The following RANBP2 variants were observed in gnomAD, a reference collection of about 807,000 sequenced individuals.
RANBP2 encodes the protein RAN binding protein 2.
RANBP2 carries 57 observed loss-of-function variants against 303.6 expected under a neutral mutation model. That is an observed-to-expected ratio of 0.19 (90% CI 0.15 to 0.23). RANBP2 has a LOEUF of 0.23. Ranked by LOEUF, RANBP2 falls within the 10% of genes least tolerant of loss-of-function variation. The pLI, the probability that RANBP2 is intolerant of heterozygous loss-of-function variation, is 1.00. For missense variants in RANBP2, 3,138 were observed against 3,780.8 expected (o/e 0.83, Z 4.46); for synonymous variants, 1,167 against 1,301.5 (o/e 0.90, Z 2.23).
chr2:109,085,437 G>A, the RANBP2 span, among the ~76,000 whole-genome samples: 1 of 151,936 alleles, frequency 6.6e-6, no homozygotes, highest in Non-Finnish European at 1.5e-5. Flanking sequence ...CCAAGTAGCT[G>A]GGCCTACACG....
chr2:109,470,017 T>A, the RANBP2 span, among the ~76,000 whole-genome samples: 6,589 of 152,252 alleles, frequency 0.043, 470 homozygotes, highest in African/African-American at 0.15. Context: ...TTAGTGTTGA[T>A]CATTTCACTC....
At position 108,775,808 on chromosome 2, in the gene RANBP2, T is replaced by A. The variant is rs142150663; in HGVS notation, c.8369T>A (p.Phe2790Tyr). The part of the protein sequence containing the change: ...TGGTEVMVPS[F>Y]CKSEEPDSIT... ...GGGACTGAAGTGATGGTACCTTCTT[T>A]CTGTAAATCTGAAGAACCTGATTCT... is the stretch of plus-strand genomic sequence containing the variant. Residue 2790 changes from phenylalanine to tyrosine, a missense_variant, in exon 24 of 29, where the codon TTC becomes TAC. By Grantham distance (22) the Phe-to-Tyr change is conservative. Transcript: ENST00000283195. The A allele has an allele frequency of 2.2e-5, 35 of 1,613,780 alleles. No individual in the cohort carries two copies. The highest frequency in any genetic ancestry group is 3.0e-5 in the Non-Finnish European group (35 of 1,179,948).
the RANBP2 span, among the ~76,000 whole-genome samples, chr2:109,689,469 A>T: frequency 6.6e-6 from 1 of 152,152 alleles, no homozygotes; most frequent in South Asian, 2.1e-4. Context: ...TGTACATTTA[A>T]ACTGGGCAGC....
the RANBP2 span, among the ~76,000 whole-genome samples, chr2:109,481,449 G>A: frequency 6.6e-6 from 1 of 152,228 alleles, no homozygotes; most frequent in South Asian, 2.1e-4. Context: ...CTTCTGGTAT[G>A]TTCTCGGTGA....
chr2:109,281,764 C>G, the RANBP2 span, among the ~76,000 whole-genome samples: 4 of 152,130 alleles, frequency 2.6e-5, no homozygotes, highest in South Asian at 6.2e-4. Context: ...AGAGCAAGAG[C>G]AAGCCTGCAC....
intron 1 of RANBP2, among the ~76,000 whole-genome samples, chr2:108,721,727 G>C (rs904328731): frequency 2.0e-5 from 3 of 151,948 alleles, no homozygotes; most frequent in Non-Finnish European, 2.9e-5. Context: ...GATTATAGGC[G>C]TGAGCCACTG....
chr2:108,960,752 T>A, the RANBP2 span, among the ~76,000 whole-genome samples: 1 of 152,368 alleles, frequency 6.6e-6, no homozygotes, highest in African/African-American at 2.4e-5. Context: ...CCTTTTACTA[T>A]GTATAGATAT....
At chr2:109,565,664 AT>A in the RANBP2 span, 1 of 1,050,960 alleles carries the variant, frequency 9.5e-7, no homozygotes, top group Non-Finnish European at 1.5e-6. Context: ...CTGACAACCA[AT>A]CACATCCAAA....
chr2:109,638,653 A>T, the RANBP2 span, among the ~76,000 whole-genome samples: 1 of 152,206 alleles, frequency 6.6e-6, no homozygotes, highest in South Asian at 2.1e-4. Flanking sequence ...ATTTCCAAAG[A>T]GTAGGTTTGC....
At position 108,766,332 on chromosome 2, in the gene RANBP2, G is replaced by C. The variant is rs770939929; in HGVS notation, c.5793G>C (p.Lys1931Asn). ...GFQAQDISGQ[K>N]NGRGVIFGQT... ...AGGCTCAGGATATTAGTGGCCAGAA[G>C]AATGGCCGTGGTGTGATTTTTGGCC... Residue 1931 changes from lysine (K) to asparagine (N), a missense_variant, in exon 20 of 29, where the codon AAG becomes AAC. By Grantham distance (94) the Lys-to-Asn change is moderately conservative. Around this residue, in one of 20 missense-constraint regions of RANBP2, gnomAD observed 348 missense variants for 360.4 expected, o/e 0.97. Coordinates refer to ENST00000283195, the MANE Select transcript of RANBP2 (RefSeq NM_006267.5). 6.2e-7 allele frequency: 1 copy of C among 1,611,992 alleles called. No homozygotes were observed. The highest frequency in any genetic ancestry group is 2.2e-5 in the East Asian group (1 of 44,884).
the RANBP2 span, among the ~76,000 whole-genome samples, chr2:108,827,232 A>G: frequency 6.6e-6 from 1 of 152,298 alleles, no homozygotes; most frequent in Admixed American, 6.5e-5. Context: ...AACCAACCAA[A>G]AAATTATTAG....
At chr2:109,224,436 T>C in the RANBP2 span, among the ~76,000 whole-genome samples, 47 of 152,312 alleles carry the variant, frequency 3.1e-4, no homozygotes, top group Non-Finnish European at 5.9e-4. Flanking sequence ...GAAGCAGTTT[T>C]TGAGGTCATG....
At chr2:109,172,829 C>T in the RANBP2 span, among the ~76,000 whole-genome samples, 1 of 152,244 alleles carries the variant, frequency 6.6e-6, no homozygotes, top group Admixed American at 6.5e-5. Flanking sequence ...GAAGCCTCGA[C>T]TGGTGAGTAT....
At chr2:109,375,815 A>G in the RANBP2 span, among the ~76,000 whole-genome samples, 1 of 152,354 alleles carries the variant, frequency 6.6e-6, no homozygotes, top group Admixed American at 6.5e-5. Context: ...GCTGTTGAGA[A>G]CAGGGCCCAT....
At chr2:108,893,801 T>TATTA in the RANBP2 span, among the ~76,000 whole-genome samples, 2 of 152,164 alleles carry the variant, frequency 1.3e-5, no homozygotes, top group Non-Finnish European at 2.9e-5. Flanking sequence ...GCACCACCCT[T>TATTA]ATTATCCTTG....
chr2:109,228,204 A>G, the RANBP2 span, among the ~76,000 whole-genome samples: 3 of 152,120 alleles, frequency 2.0e-5, no homozygotes, highest in Admixed American at 6.5e-5. Flanking sequence ...CAGAAATTCA[A>G]TCGGCAGCCC....
At chr2:109,558,001 T>C in the RANBP2 span, among the ~76,000 whole-genome samples, 1 of 152,074 alleles carries the variant, frequency 6.6e-6, no homozygotes, top group Non-Finnish European at 1.5e-5. Flanking sequence ...CCATGTTACC[T>C]AGGCTGGTCT....
chr2:109,202,048 C>G, the RANBP2 span, among the ~76,000 whole-genome samples: 115,177 of 151,542 alleles, frequency 0.76, 44,039 homozygotes, highest in Middle Eastern at 0.82. Context: ...TGGAGCCTGG[C>G]TGGGTCTCGT....
chr2:108,930,123 G>A, the RANBP2 span: 2 of 1,613,414 alleles, frequency 1.2e-6, no homozygotes, highest in South Asian at 2.2e-5. Flanking sequence ...TCCTTACCAG[G>A]TAGGGCTCCT....
Sources: allele counts gnomAD v4.1 joint callset (sites outside exome capture counted in the v4.1 genomes callset), GRCh38; gene constraint gnomAD v4.1.1; regional missense constraint gnomAD v4.1.1; transcripts MANE v1.5; gene names NCBI Gene and HGNC (gene_info 2026-07-23, HGNC 2026-07-21).